RIPOR2: variants seen among roughly 807,000 people sequenced by gnomAD.
RIPOR2 encodes the protein rho family-interacting cell polarization regulator 2.
In RIPOR2, 39 loss-of-function variants were observed where a neutral mutation model predicts 114.5. The observed-to-expected ratio is 0.34, with a 90% confidence interval of 0.26 to 0.44. The LOEUF (loss-of-function observed/expected upper bound fraction) is 0.44. Ranked by LOEUF, RIPOR2 falls within the 20% of genes least tolerant of loss-of-function variation. The pLI, the probability that RIPOR2 is intolerant of heterozygous loss-of-function variation, is 1.00. For synonymous variants in RIPOR2, 445 were observed against 484.4 expected (o/e 0.92, Z 1.07); for missense variants, 1,007 against 1,255.1 (o/e 0.80, Z 2.99).
rs74930736 is a variant in RIPOR2, at chr6:24,971,756, G to A, written c.76+70095C>T. On this transcript the variant is annotated intron_variant, in intron 1 of 13. Coordinates refer to the RIPOR2 transcript ENST00000510784. ...TCCCAACGCCGGCAGGCAGTGACTT[G>A]TTGAGCCTTGAGCACTGAACTCCAA... 5.1e-3 allele frequency among the ~76,000 whole-genome samples: 779 copies of A among 152,334 alleles called. 2 individuals are homozygous for A. Among genetic ancestry groups the A allele is most frequent in the Middle Eastern group, 0.01 (3 of 294 alleles).
intron 1 of RIPOR2, among the ~76,000 whole-genome samples, chr6:24,941,724 C>T (rs1332343027): frequency 6.6e-6 from 1 of 152,184 alleles, no homozygotes; most frequent in African/African-American, 2.4e-5. Context: ...TAAAATTTAC[C>T]TCTCAGGGTT....
At chr6:24,993,373 T>C (rs1049786610) in intron 1 of RIPOR2, among the ~76,000 whole-genome samples, 8 of 152,248 alleles carry the variant, frequency 5.3e-5, no homozygotes, top group African/African-American at 1.9e-4. Flanking sequence ...TGGTTTGAAA[T>C]ATGTTTTGTC....
chr6:24,844,203 G>C (rs1216331593), intron 12 of RIPOR2, among the ~76,000 whole-genome samples: 1 of 152,180 alleles, frequency 6.6e-6, no homozygotes, highest in Non-Finnish European at 1.5e-5. Context: ...GCAAACCCCA[G>C]GGCTCTCAGG....
intron 1 of RIPOR2, among the ~76,000 whole-genome samples, chr6:24,950,970 C>A (rs945241396): frequency 6.6e-6 from 1 of 152,190 alleles, no homozygotes; most frequent in Non-Finnish European, 1.5e-5. Flanking sequence ...TGCTAGACTG[C>A]GACATCCTAG....
At chr6:25,033,550 A>G (rs1481891986) in intron 1 of RIPOR2, among the ~76,000 whole-genome samples, 1 of 152,324 alleles carries the variant, frequency 6.6e-6, no homozygotes, top group East Asian at 1.9e-4. Flanking sequence ...GCTCATTGCT[A>G]TTGGGTATTA....
At chr6:24,949,284 C>A (rs1327881244) in intron 1 of RIPOR2, among the ~76,000 whole-genome samples, 1 of 152,106 alleles carries the variant, frequency 6.6e-6, no homozygotes, top group Non-Finnish European at 1.5e-5. Context: ...GAGCAGAAAG[C>A]CGCCAGCTCT....
intron 17 of RIPOR2, among the ~76,000 whole-genome samples, chr6:24,829,389 G>C (rs1289862385): frequency 6.6e-6 from 1 of 151,978 alleles, no homozygotes; most frequent in Non-Finnish European, 1.5e-5. Flanking sequence ...CCGGCACTTT[G>C]GGAGGCCAAG....
At chr6:25,023,452 C>G in intron 1 of RIPOR2, 1 of 766,910 alleles carries the variant, frequency 1.3e-6, no homozygotes, top group Non-Finnish European at 2.4e-6. Context: ...CCTGCGCTTT[C>G]CCTCCCACTT....
chr6:25,006,623 G>A (rs1328577871), intron 1 of RIPOR2, among the ~76,000 whole-genome samples: 1 of 152,186 alleles, frequency 6.6e-6, no homozygotes, highest in African/African-American at 2.4e-5. Context: ...AGGCACAGGT[G>A]AGTCACTGAG....
At chr6:24,850,543 TG>T (rs1406499478) in intron 10 of RIPOR2, 53 bp downstream of exon 10, 11 of 1,608,230 alleles carry the variant, frequency 6.8e-6, no homozygotes, top group African/African-American at 2.7e-5. Context: ...GCCCCACCAA[TG>T]GATCATCCAG....
In RIPOR2 at chr6:24,909,504, G is replaced by A. The variant is rs190766500; in HGVS notation, c.61+26334C>T. ...TGAGTGAGTGGGAATACCCGGGTAG[G>A]GGAGGGAAGGAGGTGGGTACACTCT... On this transcript the variant is annotated intron_variant, in intron 1 of 21. Transcript: ENST00000643898. Among the ~76,000 whole-genome samples, 332 of 152,210 alleles carry A rather than the reference G, an allele frequency of 2.2e-3. 4 individuals are homozygous for A. The highest frequency in any genetic ancestry group is 6.2e-4 in the Non-Finnish European group (42 of 68,014).
In RIPOR2 at chr6:24,873,707, G is replaced by A. The variant is rs1765435665; in HGVS notation, c.281C>T (p.Pro94Leu). 1 of 1,613,622 alleles carries A rather than the reference G, an allele frequency of 6.2e-7. No homozygotes were observed. Among genetic ancestry groups the A allele is most frequent in the South Asian group, 1.1e-5 (1 of 91,040 alleles). ...CCTTTTAGGCTGAGGCTCTTTGGGG[G>A]GATTGTTGTTTTTGTGGCCTAAATT... ...MHNLGHKNNN[P>L]PKEPQPKRVE... The change falls in exon 3 of 22, where the codon CCC becomes CTC. Residue 94 changes from proline (P) to leucine (L), a missense_variant. By Grantham distance (98) the Pro-to-Leu change is moderately conservative (BLOSUM62 -3). Transcript: ENST00000643898.
At chr6:24,963,741 T>C (rs1236299307) in intron 1 of RIPOR2, among the ~76,000 whole-genome samples, 1 of 49,888 alleles carries the variant, frequency 2.0e-5, no homozygotes, top group Middle Eastern at 6.5e-3. Flanking sequence ...TGTGCATGCA[T>C]GTGAATGTGT....
chr6:25,003,712 T>C (rs1404678109), intron 1 of RIPOR2, among the ~76,000 whole-genome samples: 1 of 152,146 alleles, frequency 6.6e-6, no homozygotes, highest in African/African-American at 2.4e-5. Flanking sequence ...ATTACAAACA[T>C]GAGCCACCAT....
intron 20 of RIPOR2, among the ~76,000 whole-genome samples, chr6:24,811,934 G>GT (rs1457563886): frequency 1.2e-4 from 1 of 8,278 alleles, no homozygotes; most frequent in African/African-American, 1.8e-4. Flanking sequence ...GCGGTGTTTG[G>GT]TTTTTTGTTC....
At chr6:24,962,861 T>A (rs937744625) in intron 1 of RIPOR2, among the ~76,000 whole-genome samples, 1 of 152,180 alleles carries the variant, frequency 6.6e-6, no homozygotes, top group African/African-American at 2.4e-5. Flanking sequence ...GGTCTCCACT[T>A]GGGATTCAGT....
chr6:24,925,904 TG>T (rs1346117574), intron 1 of RIPOR2, among the ~76,000 whole-genome samples: 1 of 152,214 alleles, frequency 6.6e-6, no homozygotes, highest in Non-Finnish European at 1.5e-5. Context: ...ATGAAGCAAC[TG>T]AGCTAATGTT....
chr6:24,971,243 A>G (rs1773777261), intron 1 of RIPOR2, among the ~76,000 whole-genome samples: 1 of 152,230 alleles, frequency 6.6e-6, no homozygotes, highest in Non-Finnish European at 1.5e-5. Context: ...ATGGGCAACA[A>G]GGCAGCCTGC....
At chr6:24,967,747 AAGAT>A (rs1773591106) in intron 1 of RIPOR2, among the ~76,000 whole-genome samples, 1 of 152,132 alleles carries the variant, frequency 6.6e-6, no homozygotes, top group Non-Finnish European at 1.5e-5. Flanking sequence ...ATAGCCTTGA[AAGAT>A]AGGCATTCTC....
Sources: allele counts gnomAD v4.1 joint callset (sites outside exome capture counted in the v4.1 genomes callset), GRCh38; gene constraint gnomAD v4.1.1; transcripts MANE v1.5; gene names NCBI Gene and HGNC (gene_info 2026-07-23, HGNC 2026-07-21).